The following MCU variants were observed in gnomAD, a reference collection of about 807,000 sequenced individuals.
MCU encodes mitochondrial calcium uniporter, also known as calcium uniporter protein, mitochondrial.
MCU carries 12 observed loss-of-function variants against 45.2 expected under a neutral mutation model. The observed-to-expected ratio is 0.27, with a 90% CI of 0.17 to 0.43. The LOEUF is 0.43. MCU is among the 20% of genes least tolerant of loss of function. MCU has a pLI of 1.00. For missense variants in MCU, 324 were observed against 436.7 expected (o/e 0.74, Z 2.30); for synonymous variants, 160 against 165.1 (o/e 0.97, Z 0.24).
At chr10:72,874,666 A>G (rs1384703557) in intron 6 of MCU, among the ~76,000 whole-genome samples, 1 of 152,224 alleles carries the variant, frequency 6.6e-6, no homozygotes, top group East Asian at 1.9e-4. Context: ...ACCTAGTTGC[A>G]TGTCTGGCTC....
chr10:72,717,407 C>T (rs113352742), intron 1 of MCU, among the ~76,000 whole-genome samples: 28 of 152,010 alleles, frequency 1.8e-4, no homozygotes, highest in Admixed American at 3.3e-4. Flanking sequence ...TATAGGCGCC[C>T]GCCACCACGC....
chr10:72,783,798 A>G (rs532357540), intron 1 of MCU, among the ~76,000 whole-genome samples: 20 of 152,328 alleles, frequency 1.3e-4, no homozygotes, highest in Non-Finnish European at 1.9e-4. Flanking sequence ...GCCTATAGGA[A>G]GGATTTTCCC....
At chr10:72,785,060 G>A (rs1844051753) in intron 1 of MCU, among the ~76,000 whole-genome samples, 1 of 152,080 alleles carries the variant, frequency 6.6e-6, no homozygotes, top group Non-Finnish European at 1.5e-5. Flanking sequence ...TCCTTTTCCA[G>A]GGCTCTTCCT....
chr10:72,747,644 A>G (rs1843433433), intron 1 of MCU, among the ~76,000 whole-genome samples: 2 of 152,142 alleles, frequency 1.3e-5, no homozygotes, highest in African/African-American at 4.8e-5. Flanking sequence ...AGGGTAACAC[A>G]GGGAGACCTC....
intron 5 of MCU, among the ~76,000 whole-genome samples, chr10:72,869,627 TACA>T (rs1257182596): frequency 5.3e-5 from 8 of 151,792 alleles, no homozygotes; most frequent in Non-Finnish European, 2.9e-5. Context: ...AAAATAACAA[TACA>T]ACAACAAAAA....
intron 4 of MCU, among the ~76,000 whole-genome samples, chr10:72,861,457 C>T (rs1177158039): frequency 1.3e-5 from 2 of 151,478 alleles, no homozygotes; most frequent in East Asian, 3.9e-4. Context: ...TTAAGAGTCT[C>T]ACTCTGTCGC....
chr10:72,716,081 GT>G (rs1842952791), intron 1 of MCU, among the ~76,000 whole-genome samples: 1 of 152,192 alleles, frequency 6.6e-6, no homozygotes. Context: ...TGTAAACAAA[GT>G]TTTACTACAA....
Position 72,868,738 on chromosome 10 carries a change from GATGTAAAGAC to G in MCU, c.535_544del (p.Val179TrpfsTer16). Reference sequence around the variant, plus strand: ...TCATGAAAATGCAGCAACGCTGAATGATGTAAAGACATTGGTCCAGCAACTATACACCACA... The same window carrying G: ...TCATGAAAATGCAGCAACGCTGAATGATTGGTCCAGCAACTATACACCACA... On this transcript the variant is annotated frameshift_variant, in exon 5 of 8. Coordinates refer to ENST00000373053, the MANE Select transcript of MCU (RefSeq NM_138357.3). The G allele has an allele frequency of 6.2e-7, 1 of 1,614,096 alleles. No homozygotes were observed. Among genetic ancestry groups the G allele is most frequent in the Non-Finnish European group, 8.5e-7 (1 of 1,180,006 alleles).
intron 4 of MCU, among the ~76,000 whole-genome samples, chr10:72,861,972 G>A (rs577921378): frequency 4.7e-5 from 7 of 149,062 alleles, no homozygotes; most frequent in Non-Finnish European, 8.9e-5. Context: ...ATAGCGTTTT[G>A]AGTTGTGTCT....
At chr10:72,824,617 G>A (rs1276962421) in intron 1 of MCU, among the ~76,000 whole-genome samples, 1 of 152,158 alleles carries the variant, frequency 6.6e-6, no homozygotes, top group Non-Finnish European at 1.5e-5. Context: ...ATAACTTACA[G>A]TAAATGGAAA....
intron 1 of MCU, among the ~76,000 whole-genome samples, chr10:72,792,681 CA>C (rs1157195487): frequency 6.6e-6 from 1 of 151,296 alleles, no homozygotes; most frequent in Non-Finnish European, 1.5e-5. Flanking sequence ...GCCCCACCCC[CA>C]ATAACTCTCC....
chr10:72,748,484 C>G (rs560731087), intron 1 of MCU, among the ~76,000 whole-genome samples: 26 of 152,184 alleles, frequency 1.7e-4, no homozygotes, highest in Admixed American at 1.7e-3. Context: ...TAAGTAATAA[C>G]TTTTTTCCTG....
chr10:72,793,024 G>T (rs1458310175), intron 1 of MCU, among the ~76,000 whole-genome samples: 1 of 151,964 alleles, frequency 6.6e-6, no homozygotes, highest in Non-Finnish European at 1.5e-5. Flanking sequence ...GATTACAGGC[G>T]CATGCCACCA....
At chr10:72,824,535 G>A (rs1844767497) in intron 1 of MCU, among the ~76,000 whole-genome samples, 1 of 152,012 alleles carries the variant, frequency 6.6e-6, no homozygotes, top group African/African-American at 2.4e-5. Flanking sequence ...CCAGTTTTGA[G>A]GTTTCTAACT....
intron 1 of MCU, among the ~76,000 whole-genome samples, chr10:72,713,792 T>C (rs1373180255): frequency 6.6e-6 from 1 of 152,178 alleles, no homozygotes; most frequent in Non-Finnish European, 1.5e-5. Flanking sequence ...TAAACTTGTT[T>C]CTGAAACTAG....
At chr10:72,862,917 A>G (rs556717441) in intron 4 of MCU, among the ~76,000 whole-genome samples, 49 of 151,728 alleles carry the variant, frequency 3.2e-4, no homozygotes, top group Middle Eastern at 3.4e-3. Context: ...TTAAAAAAAA[A>G]GAAAAAAAAA....
chr10:72,756,176 A>G (rs1843573956), intron 1 of MCU, among the ~76,000 whole-genome samples: 1 of 152,020 alleles, frequency 6.6e-6, no homozygotes, highest in African/African-American at 2.4e-5. Flanking sequence ...TATTAGATAC[A>G]GGGTTTTGCT....
intron 1 of MCU, among the ~76,000 whole-genome samples, chr10:72,737,497 C>T (rs1378656261): frequency 2.0e-5 from 3 of 150,088 alleles, no homozygotes; most frequent in Admixed American, 6.6e-5. Context: ...GGAAAGTTGG[C>T]GCGTTATTTC....
chr10:72,834,332 A>G lies in MCU; in HGVS notation c.151-27A>G, dbSNP rs377390092. On this transcript the variant is annotated intron_variant, in intron 1 of 7. Coordinates refer to ENST00000373053, the MANE Select transcript of MCU (RefSeq NM_138357.3). Reference sequence around the variant, plus strand: ...TATATGTTTGTTGTTCCATTCTGACAGTAGATGTATCTTTTGTGTTTTCTA... The same window carrying G: ...TATATGTTTGTTGTTCCATTCTGACGGTAGATGTATCTTTTGTGTTTTCTA... The G allele has an allele frequency of 1.1e-4, 181 of 1,583,254 alleles. 1 individual carries two copies. Among genetic ancestry groups the G allele is most frequent in the Middle Eastern group, 5.0e-4 (3 of 6,018 alleles).
Sources: allele counts gnomAD v4.1 joint callset (sites outside exome capture counted in the v4.1 genomes callset), GRCh38; gene constraint gnomAD v4.1.1; transcripts MANE v1.5; gene names NCBI Gene and HGNC (gene_info 2026-07-23, HGNC 2026-07-21).